Variants in CACNA2D1 observed in about 807,000 individuals in gnomAD.
The protein encoded by CACNA2D1 is voltage-dependent calcium channel subunit alpha-2/delta-1.
A neutral mutation model predicts 171.5 loss-of-function variants in CACNA2D1; 53 were observed. The observed-to-expected ratio is 0.31, with a 90% CI of 0.25 to 0.39. The LOEUF is 0.39. Ranked by LOEUF, CACNA2D1 falls within the 10% of genes least tolerant of loss-of-function variation. The pLI is 1.00. For synonymous variants in CACNA2D1, 442 were observed against 443.1 expected (o/e 1.00, Z 0.03); for missense variants, 903 against 1,299.8 (o/e 0.69, Z 4.69).
chr7:82,046,097 G>T (rs1804521483), intron 10 of CACNA2D1, among the ~76,000 whole-genome samples: 1 of 152,012 alleles, frequency 6.6e-6, no homozygotes, highest in South Asian at 2.1e-4. Flanking sequence ...CTTCACATGG[G>T]TATCCTTTTC....
chr7:82,052,042 A>G (rs2131314817), intron 10 of CACNA2D1, among the ~76,000 whole-genome samples: 1 of 152,326 alleles, frequency 6.6e-6, no homozygotes, highest in Non-Finnish European at 1.5e-5. Context: ...AAAGAATGAA[A>G]GAAACTTAGA....
chr7:82,128,994 C>A (rs1242670129), intron 5 of CACNA2D1, among the ~76,000 whole-genome samples: 1 of 152,110 alleles, frequency 6.6e-6, no homozygotes, highest in African/African-American at 2.4e-5. Context: ...TATTCAAATT[C>A]ATTTTGTTTT....
intron 4 of CACNA2D1, among the ~76,000 whole-genome samples, chr7:82,153,426 A>G (rs1794051714): frequency 6.6e-6 from 1 of 152,114 alleles, no homozygotes; most frequent in Non-Finnish European, 1.5e-5. Flanking sequence ...AAGTTTAATC[A>G]TTACAAACTC....
Position 81,948,926 on chromosome 7 carries a change from G to A in CACNA2D1, c.*1466C>T, listed in dbSNP as rs548020002. 1.6e-4 allele frequency: 24 copies of A among 151,984 alleles called. No individual in the cohort carries two copies. The East Asian group carries it at 2.1e-3, about 14-fold the overall frequency. The allele number at this position is 151,984 out of a possible 1,614,324, so 9.4% of individuals were successfully genotyped here. On this transcript the variant is annotated 3_prime_UTR_variant, in exon 39 of 39. Coordinates refer to ENST00000356860, the MANE Select transcript of CACNA2D1 (RefSeq NM_000722.4). ...TACTACACTAACCATTTTCACCAAT[G>A]AGGCTGTATAAAAAACAACTTTTAT...
chr7:82,377,719 C>G (rs1307357348), intron 1 of CACNA2D1, among the ~76,000 whole-genome samples: 1 of 152,110 alleles, frequency 6.6e-6, no homozygotes, highest in Admixed American at 6.6e-5. Flanking sequence ...CATAAGGCCT[C>G]GACTGAAACG....
intron 5 of CACNA2D1, among the ~76,000 whole-genome samples, chr7:82,117,710 G>T (rs1789243835): frequency 6.6e-6 from 1 of 152,118 alleles, no homozygotes; most frequent in African/African-American, 2.4e-5. Flanking sequence ...GTGCATGGGA[G>T]GTTAAGGCTG....
At chr7:81,950,572 A>G (rs1239010200) in intron 38 of CACNA2D1, 64 bp from the exon 39 acceptor site, 4 of 1,538,014 alleles carry the variant, frequency 2.6e-6, no homozygotes, top group Non-Finnish European at 3.5e-6. Context: ...AAAAATATTT[A>G]GTAACACATC....
chr7:82,148,989 T>C (rs1274616179), intron 4 of CACNA2D1, among the ~76,000 whole-genome samples: 1 of 152,134 alleles, frequency 6.6e-6, no homozygotes, highest in Non-Finnish European at 1.5e-5. Context: ...CCCCACTCTA[T>C]AAATCAGAGA....
At chr7:82,324,057 A>G (rs1432462206) in intron 3 of CACNA2D1, among the ~76,000 whole-genome samples, 3 of 152,180 alleles carry the variant, frequency 2.0e-5, no homozygotes, top group Non-Finnish European at 4.4e-5. Flanking sequence ...TGAGAGATTT[A>G]AAACAGAAAG....
At chr7:82,263,430 T>G (rs1807403932) in intron 3 of CACNA2D1, among the ~76,000 whole-genome samples, 1 of 152,096 alleles carries the variant, frequency 6.6e-6, no homozygotes, top group Non-Finnish European at 1.5e-5. Context: ...ATTGAATAAA[T>G]TTGTTATGCT....
At chr7:82,276,807 G>C (rs1042045859) in intron 3 of CACNA2D1, among the ~76,000 whole-genome samples, 1 of 149,188 alleles carries the variant, frequency 6.7e-6, no homozygotes, top group Admixed American at 6.7e-5. Context: ...TTAGTGCAGT[G>C]GTGCAATCTC....
At chr7:82,245,181 G>A (rs1223166824) in intron 3 of CACNA2D1, among the ~76,000 whole-genome samples, 2 of 152,136 alleles carry the variant, frequency 1.3e-5, no homozygotes, top group African/African-American at 4.8e-5. Context: ...ACAATGTCTT[G>A]CTTGCACAGC....
intron 3 of CACNA2D1, among the ~76,000 whole-genome samples, chr7:82,183,592 T>C (rs1797361767): frequency 6.6e-6 from 1 of 152,104 alleles, no homozygotes; most frequent in South Asian, 2.1e-4. Context: ...TGGAGAGAAA[T>C]ACCCATTTCA....
chr7:82,207,607 A>G (rs1444693561), intron 3 of CACNA2D1, among the ~76,000 whole-genome samples: 1 of 151,998 alleles, frequency 6.6e-6, no homozygotes, highest in East Asian at 1.9e-4. Context: ...TTCAGTTATC[A>G]GGACAGAGGC....
chr7:82,033,504 T>C (rs1249161655), intron 11 of CACNA2D1, among the ~76,000 whole-genome samples: 1 of 152,106 alleles, frequency 6.6e-6, no homozygotes, highest in African/African-American at 2.4e-5. Context: ...ATAAGTGTTT[T>C]CTTCCCTCTT....
At chr7:82,142,778 C>G (rs2129090863) in intron 4 of CACNA2D1, among the ~76,000 whole-genome samples, 1 of 152,202 alleles carries the variant, frequency 6.6e-6, no homozygotes, top group East Asian at 1.9e-4. Context: ...GTTCCAAATA[C>G]CAAGTCAATT....
intron 3 of CACNA2D1, among the ~76,000 whole-genome samples, chr7:82,217,414 T>TATATATATATATATATAG (rs1801261514): frequency 1.3e-5 from 1 of 77,866 alleles, no homozygotes; most frequent in Non-Finnish European, 3.2e-5. Flanking sequence ...TATATATATA[T>TATATATATATATATATAG]ATATATATAT....
Position 82,153,297 on chromosome 7 carries a change from T to TA in CACNA2D1, c.355-16622dup, listed in dbSNP as rs557147520. On this transcript the variant is annotated intron_variant, in intron 4 of 38. Coordinates refer to ENST00000356860, the MANE Select transcript of CACNA2D1 (RefSeq NM_000722.4). ...AATTAATGAAGAATTAAAACTGAGATAAAAAAATCTGGACACTAAAAGCAA... is the reference window on the plus strand; with the variant it reads ...AATTAATGAAGAATTAAAACTGAGATAAAAAAAATCTGGACACTAAAAGCAA... Among the ~76,000 whole-genome samples, 271 of 151,946 alleles carry TA rather than the reference T, an allele frequency of 1.8e-3. 2 individuals are homozygous for TA. The highest frequency in any genetic ancestry group is 5.8e-3 in the African/African-American group (239 of 41,476).
At chr7:82,124,643 T>C (rs1485247604) in intron 5 of CACNA2D1, among the ~76,000 whole-genome samples, 1 of 152,198 alleles carries the variant, frequency 6.6e-6, no homozygotes, top group Admixed American at 6.5e-5. Flanking sequence ...GAAAATTCTA[T>C]AACTGGAGCT....
Sources: allele counts gnomAD v4.1 joint callset (sites outside exome capture counted in the v4.1 genomes callset), GRCh38; gene constraint gnomAD v4.1.1; transcripts MANE v1.5; gene names NCBI Gene and HGNC (gene_info 2026-07-23, HGNC 2026-07-21).